TUSC3: variants seen among roughly 807,000 people sequenced by gnomAD.
The protein encoded by TUSC3 is tumor suppressor candidate 3, also known as dolichyl-diphosphooligosaccharide--protein glycosyltransferase subunit TUSC3.
Under a neutral mutation model 44.8 loss-of-function variants are expected in TUSC3, and 45 were observed. That is an observed-to-expected ratio of 1.00 (90% CI 0.79 to 1.29). The LOEUF (loss-of-function observed/expected upper bound fraction) is 1.29, where lower values mean the gene tolerates loss of function less well. Ranked by LOEUF, TUSC3 falls within the 50% of genes most tolerant of loss-of-function variation. The pLI, the probability that TUSC3 is intolerant of heterozygous loss-of-function variation, is 0.00. For missense variants in TUSC3, 519 were observed against 437.9 expected (o/e 1.19, Z -1.65); for synonymous variants, 212 against 152.9 (o/e 1.39, Z -2.85).
chr8:15,655,906 A>C (rs12546200), intron 3 of TUSC3, among the ~76,000 whole-genome samples: 27,113 of 152,090 alleles, frequency 0.18, 2,411 homozygotes, highest in South Asian at 0.26. Flanking sequence ...ATTCTGTAGA[A>C]ATAATTAAAA....
intron 1 of TUSC3, among the ~76,000 whole-genome samples, chr8:15,482,083 G>A (rs1800670273): frequency 6.6e-6 from 1 of 152,148 alleles, no homozygotes; most frequent in Non-Finnish European, 1.5e-5. Flanking sequence ...TTCTTCACCA[G>A]GAGTATATTC....
rs180941143 is a variant in TUSC3, at chr8:15,498,423, C to T, written n.189+14940C>T. ...GAATAGATGTATTAATAAAATAGTACTGTAGGAGAACCGGAGCAGGGAAGC... is the reference window on the plus strand; with the variant it reads ...GAATAGATGTATTAATAAAATAGTATTGTAGGAGAACCGGAGCAGGGAAGC... On this transcript the variant is annotated intron_variant and non_coding_transcript_variant, in intron 2 of 5. Coordinates refer to the TUSC3 transcript ENST00000503191. 5.5e-4 allele frequency among the ~76,000 whole-genome samples: 84 copies of T among 152,278 alleles called. No homozygotes were observed. The East Asian group carries it at 0.015, about 27-fold the overall frequency.
At chr8:15,561,749 T>G (rs1802473158) in intron 1 of TUSC3, 1 of 145,256 alleles carries the variant, frequency 6.9e-6, no homozygotes, top group African/African-American at 2.5e-5. Flanking sequence ...AGTATTCGGG[T>G]ATGAGTGACC....
rs1244912393 is a variant in TUSC3 at position 15,748,404 on chromosome 8, G to C, written c.967G>C (p.Val323Leu). 3 of 1,613,350 alleles carry C rather than the reference G, an allele frequency of 1.9e-6. No homozygotes were observed. Among genetic ancestry groups the C allele is most frequent in the Non-Finnish European group, 2.5e-6 (3 of 1,179,578 alleles). ...TTGCCTAGTGGGATTGGGCCTGGTGGTCTTCTTCTTCAGTTTTCTACTTTC... is the reference window on the plus strand; with the variant it reads ...TTGCCTAGTGGGATTGGGCCTGGTGCTCTTCTTCTTCAGTTTTCTACTTTC... Reference protein sequence around the residue: ...IICLVGLGLVVFFFSFLLSIF... With the variant: ...IICLVGLGLVLFFFSFLLSIF... The change falls in exon 9 of 11, where the codon GTC becomes CTC. Residue 323 changes from valine to leucine, a missense_variant. Val to Leu is a conservative substitution (Grantham distance 32). Transcript: ENST00000503731.
At chr8:15,812,871 A>G in the TUSC3 span, among the ~76,000 whole-genome samples, 13 of 152,250 alleles carry the variant, frequency 8.5e-5, no homozygotes, top group African/African-American at 3.1e-4. Context: ...CAAGGAGGGC[A>G]GATCACAAGG....
At chr8:15,440,497 A>C (rs960913566) in intron 1 of TUSC3, among the ~76,000 whole-genome samples, 19 of 152,196 alleles carry the variant, frequency 1.2e-4, no homozygotes, top group African/African-American at 4.6e-4. Flanking sequence ...AACAAATCTC[A>C]CTGATGTTGC....
At chr8:15,462,890 T>C (rs1313029465) in intron 1 of TUSC3, among the ~76,000 whole-genome samples, 4 of 152,108 alleles carry the variant, frequency 2.6e-5, no homozygotes, top group Non-Finnish European at 5.9e-5. Context: ...TTTACTCTTT[T>C]ATAGCAAGTG....
intron 1 of TUSC3, among the ~76,000 whole-genome samples, chr8:15,443,913 A>G (rs1311952784): frequency 3.9e-5 from 6 of 151,928 alleles, no homozygotes; most frequent in African/African-American, 1.4e-4. Flanking sequence ...GCCCAAGAGG[A>G]CAACTTCAAT....
intron 1 of TUSC3, among the ~76,000 whole-genome samples, chr8:15,566,813 T>C (rs1166082391): frequency 6.6e-6 from 1 of 152,078 alleles, no homozygotes; most frequent in Admixed American, 6.6e-5. Flanking sequence ...TGTTTGTGTT[T>C]GTAGAGACAG....
the TUSC3 span, among the ~76,000 whole-genome samples, chr8:15,842,440 T>C: frequency 0.96 from 146,351 of 152,280 alleles, 70,377 homozygotes; most frequent in African/African-American, 0.97. Context: ...TTGACATGTT[T>C]TTCATGTCTC....
chr8:15,434,824 T>G (rs138196126), intron 1 of TUSC3, among the ~76,000 whole-genome samples: 9 of 152,166 alleles, frequency 5.9e-5, no homozygotes, highest in African/African-American at 2.2e-4. Context: ...CTGAGAATAA[T>G]GGTTTCCAAC....
intron 2 of TUSC3, among the ~76,000 whole-genome samples, chr8:15,645,133 A>G (rs1444555337): frequency 2.0e-5 from 3 of 152,164 alleles, no homozygotes; most frequent in Admixed American, 6.5e-5. Context: ...CTCCTCCAAT[A>G]TATCATGCAT....
rs554230592 is a variant in TUSC3 at position 15,427,447 on chromosome 8, T to G, written n.91+10142T>G. ...GTCTCCAATAGAAAACACCAGAAAC[T>G]GGTAATGAGCAGCATCCCAGTAAGA... On this transcript the variant is annotated intron_variant and non_coding_transcript_variant, in intron 1 of 5. Coordinates refer to the TUSC3 transcript ENST00000503191. 8.5e-5 allele frequency among the ~76,000 whole-genome samples: 13 copies of G among 152,074 alleles called. No homozygotes were observed. In the East Asian group the frequency reaches 1.7e-3, roughly 20 times the overall value.
chr8:15,726,090 C>T lies in TUSC3; in HGVS notation c.799-4576C>T, dbSNP rs576399785. ...AAAAGGACTCCTCAAGGAGTATTTA[C>T]CACTAGCACAATTTAAAAATGTTGA... On this transcript the variant is annotated intron_variant, in intron 6 of 10. Coordinates refer to ENST00000503731, the MANE Select transcript of TUSC3 (RefSeq NM_006765.4). Among the ~76,000 whole-genome samples the T allele has an allele frequency of 9.2e-5, 14 of 152,240 alleles. 1 individual carries two copies. In the South Asian group the frequency reaches 2.9e-3, roughly 32 times the overall value.
At chr8:15,715,193 CTATA>C (rs1810008374) in intron 6 of TUSC3, among the ~76,000 whole-genome samples, 1 of 151,958 alleles carries the variant, frequency 6.6e-6, no homozygotes, top group South Asian at 2.1e-4. Context: ...GTACCAAACT[CTATA>C]TATATTGTGT....
In TUSC3 at chr8:15,542,894, T is replaced by G. The variant is rs189711041; in HGVS notation, c.138+2326T>G. Among the ~76,000 whole-genome samples, 9 of 152,352 alleles carry G rather than the reference T, an allele frequency of 5.9e-5. No individual in the cohort carries two copies. The East Asian group carries it at 1.4e-3, about 23-fold the overall frequency. ...GCAAAATAAGAGCTTAAATAGTTGA[T>G]GTTTTCAAGACTGTACTTTCAGGGA... On this transcript the variant is annotated intron_variant, in intron 1 of 10. Coordinates refer to ENST00000503731, the MANE Select transcript of TUSC3 (RefSeq NM_006765.4).
intron 1 of TUSC3, among the ~76,000 whole-genome samples, chr8:15,449,381 G>A (rs1800162925): frequency 6.6e-6 from 1 of 152,170 alleles, no homozygotes; most frequent in African/African-American, 2.4e-5. Context: ...GTCAAAAGGT[G>A]AAGCAGAGGA....
chr8:15,519,515 C>G (rs1282208898), intron 2 of TUSC3, among the ~76,000 whole-genome samples: 1 of 152,072 alleles, frequency 6.6e-6, no homozygotes, highest in Non-Finnish European at 1.5e-5. Flanking sequence ...GAGTGACAAG[C>G]CAGCATTATG....
intron 1 of TUSC3, among the ~76,000 whole-genome samples, chr8:15,428,656 G>A (rs1237481500): frequency 5.9e-5 from 9 of 152,218 alleles, no homozygotes; most frequent in South Asian, 4.1e-4. Context: ...TGTAATGATC[G>A]CCATTCTAAC....
Sources: allele counts gnomAD v4.1 joint callset (sites outside exome capture counted in the v4.1 genomes callset), GRCh38; gene constraint gnomAD v4.1.1; transcripts MANE v1.5; gene names NCBI Gene and HGNC (gene_info 2026-07-23, HGNC 2026-07-21).